Variants in SYNE1 observed in about 807,000 individuals in gnomAD.
SYNE1 encodes the protein nesprin-1.
A neutral mutation model predicts 1,111.0 loss-of-function variants in SYNE1; 616 were observed. The observed-to-expected ratio is 0.55, with a 90% CI of 0.52 to 0.59. SYNE1 has a LOEUF of 0.59. Ranked by LOEUF, SYNE1 falls within the 20% of genes least tolerant of loss-of-function variation. SYNE1 has a pLI of 0.00. For missense variants in SYNE1, 10,006 were observed against 10,417.0 expected, an observed-to-expected ratio of 0.96 and a Z score of 1.72; for synonymous variants, 3,855 against 3,825.8, an observed-to-expected ratio of 1.01 and a Z score of -0.28.
chr6:152,182,085 T>C (rs2068239497), intron 128 of SYNE1, among the ~76,000 whole-genome samples: 1 of 152,238 alleles, frequency 6.6e-6, no homozygotes, highest in Admixed American at 6.5e-5. Context: ...CGTTGCCTGC[T>C]TTTTAATTAG....
rs555495237 is a variant in SYNE1, at chr6:152,323,527, C to T, written c.15868G>A (p.Glu5290Lys). The T allele has an allele frequency of 4.3e-6, 7 of 1,614,178 alleles. No individual in the cohort carries two copies. Among genetic ancestry groups the T allele is most frequent in the Admixed American group, 3.3e-5 (2 of 60,028 alleles). ...GTGATTTCCTGCATGAGCGGAGGCT[C>T]TTCCCCAGGGGTTGGGGCGGCTCCA... ...QDGAAPTPGE[E>K]PPLMQEITAM... Residue 5290 changes from glutamate (E) to lysine (K), a missense_variant, in exon 82 of 146, where the codon GAG (glutamate) becomes AAG (lysine). Transcript: ENST00000367255.
chr6:152,149,065 TTTA>T (rs970353879), intron 136 of SYNE1, among the ~76,000 whole-genome samples: 23 of 152,168 alleles, frequency 1.5e-4, no homozygotes, highest in African/African-American at 4.8e-4. Flanking sequence ...TTTGCTTCCT[TTTA>T]TTGTATTTCT....
At chr6:152,340,771 G>T (rs1006459489) in intron 74 of SYNE1, among the ~76,000 whole-genome samples, 1 of 152,186 alleles carries the variant, frequency 6.6e-6, no homozygotes, top group Admixed American at 6.5e-5. Flanking sequence ...TCTGAAACAG[G>T]CTTTCAAAGA....
In SYNE1 at chr6:152,359,418, T is replaced by C; in HGVS notation, c.10340A>G (p.Glu3447Gly). Reference protein sequence around the residue: ...EEVLSYSSLLETIEVKGAGMT... With the variant: ...EEVLSYSSLLGTIEVKGAGMT... ...GCCAGCCCCTTTGACTTCGATGGTC[T>C]CCAGCAAGCTGCTGTAACTCAGCAC... The change falls in exon 65 of 146, where the codon GAG (glutamate) becomes GGG (glycine). Residue 3447 changes from glutamate to glycine, a missense_variant. By Grantham distance (98) the Glu-to-Gly change is moderately conservative. This residue lies in a region of SYNE1 where 4,955 missense variants were observed against 5,017.2 expected (regional missense o/e 0.99). Coordinates refer to ENST00000367255, the MANE Select transcript of SYNE1 (RefSeq NM_182961.4). 1 of 1,614,216 alleles carries C rather than the reference T, an allele frequency of 6.2e-7. No homozygotes were observed. The highest frequency in any genetic ancestry group is 2.2e-5 in the East Asian group (1 of 44,878).
intron 3 of SYNE1, among the ~76,000 whole-genome samples, chr6:152,601,846 C>G (rs1406101605): frequency 6.6e-6 from 1 of 152,124 alleles, no homozygotes; most frequent in Non-Finnish European, 1.5e-5. Context: ...ATTACTGATT[C>G]CATATACTCA....
In SYNE1 at chr6:152,413,544, A is replaced by G. The variant is rs775573772; in HGVS notation, c.6051-13T>C. 50 of 1,613,266 alleles carry G rather than the reference A, an allele frequency of 3.1e-5. No individual in the cohort carries two copies. Among genetic ancestry groups the G allele is most frequent in the Non-Finnish European group, 4.1e-5 (48 of 1,179,382 alleles). On this transcript the variant is annotated splice_polypyrimidine_tract_variant and intron_variant, in intron 41 of 145. Transcript: ENST00000367255. The stretch of plus-strand genomic sequence containing the variant: ...AAACACTCTTAACCTGTGAATTAAA[A>G]TGTTATTTTCCTATTAATTTACTAA...
At position 152,451,210 on chromosome 6, in the gene SYNE1, A is replaced by G. The variant is rs1315795651; in HGVS notation, c.3028-5T>C. On this transcript the variant is annotated splice_region_variant and splice_polypyrimidine_tract_variant and intron_variant, in intron 25 of 145. Transcript: ENST00000367255. ...AGGGGCTTCTCCTTGAAGATCCTAC[A>G]TTCCATAGGAAGATTCAGAAAATTA... is the stretch of plus-strand genomic sequence containing the variant. The G allele has an allele frequency of 6.2e-7, 1 of 1,613,636 alleles. No individual in the cohort carries two copies. Among genetic ancestry groups the G allele is most frequent in the Non-Finnish European group, 8.5e-7 (1 of 1,179,808 alleles).
chr6:152,284,919 A>T lies in SYNE1; in HGVS notation c.18013-747T>A, dbSNP rs144629333. Among the ~76,000 whole-genome samples the T allele has an allele frequency of 2.5e-4, 38 of 152,084 alleles. No homozygotes were observed. The East Asian group carries it at 7.2e-3, about 29-fold the overall frequency. On this transcript the variant is annotated intron_variant, in intron 95 of 145. Coordinates refer to ENST00000367255, the MANE Select transcript of SYNE1 (RefSeq NM_182961.4). ...TGGGAGAAACCTGTAACCTATTTCT[A>T]TGTCGTCACACTACTCATTTTTCTC... is the stretch of plus-strand genomic sequence containing the variant.
chr6:152,401,429 G>T (rs2154151340), intron 46 of SYNE1, 88 bp from the exon 47 acceptor site: 2 of 1,329,660 alleles, frequency 1.5e-6, no homozygotes, highest in Non-Finnish European at 2.1e-6. Context: ...CAGCTTAATT[G>T]TCAAAGCCAC....
chr6:152,363,304 C>G (rs1427525530), intron 63 of SYNE1, among the ~76,000 whole-genome samples: 1 of 147,178 alleles, frequency 6.8e-6, no homozygotes, highest in Non-Finnish European at 1.5e-5. Context: ...GCCATCCTGG[C>G]TAACACAGTG....
intron 145 of SYNE1, chr6:152,125,412 A>G: frequency 2.0e-6 from 3 of 1,505,776 alleles, no homozygotes; most frequent in Non-Finnish European, 2.7e-6. Flanking sequence ...GGACGTGGGG[A>G]CATTTTGTTT....
At chr6:152,596,798 C>T (rs2099583246) in intron 3 of SYNE1, among the ~76,000 whole-genome samples, 1 of 152,050 alleles carries the variant, frequency 6.6e-6, no homozygotes, top group African/African-American at 2.4e-5. Flanking sequence ...TATCATCTTC[C>T]CTTCCTGTTG....
chr6:152,433,723 T>C (rs2098449536), intron 34 of SYNE1, 72 bp downstream of exon 34: 1 of 1,568,762 alleles, frequency 6.4e-7, no homozygotes, highest in Non-Finnish European at 8.8e-7. Context: ...CCGAACAGCA[T>C]TTGATGAAAT....
At position 152,219,177 on chromosome 6, in the gene SYNE1, G is replaced by A. The variant is rs778997548; in HGVS notation, c.21870C>T (p.Leu7290=). The A allele has an allele frequency of 1.4e-5, 23 of 1,613,806 alleles. No individual in the cohort carries two copies. The highest frequency in any genetic ancestry group is 1.8e-5 in the Non-Finnish European group (21 of 1,179,926). The change falls in exon 120 of 146, where the codon CTC becomes CTT. Residue 7290 remains leucine (L), a synonymous_variant. Coordinates refer to ENST00000367255, the MANE Select transcript of SYNE1 (RefSeq NM_182961.4). ...ATWIQDCNDL[L]KGLGTVKDSL... ...AATCTTTAACTGTGCCCAGTCCTTT[G>A]AGGAGGTCCTAGAAGAGGTGAAAAT...
At chr6:152,521,560 A>C (rs993280455) in intron 5 of SYNE1, among the ~76,000 whole-genome samples, 2 of 152,170 alleles carry the variant, frequency 1.3e-5, no homozygotes, top group African/African-American at 4.8e-5. Context: ...ATATATGTAA[A>C]ATGTATATGT....
chr6:152,177,172 A>T (rs2066668733), intron 129 of SYNE1, among the ~76,000 whole-genome samples: 2 of 152,178 alleles, frequency 1.3e-5, no homozygotes, highest in Admixed American at 1.3e-4. Context: ...ACTATAGAGA[A>T]TCGACAGGCC....
chr6:152,323,588 G>A lies in SYNE1; in HGVS notation c.15807C>T (p.Gly5269=). 6.2e-7 allele frequency: 1 copy of A among 1,614,216 alleles called. No individual in the cohort carries two copies. The highest frequency in any genetic ancestry group is 8.5e-7 in the Non-Finnish European group (1 of 1,180,030). ...LELEQQQSAL[G]MLRQQTLSML... ...TGCTCAGGGTTTGCTGCCGCAGCATGCCCAAGGCCGACTGCTGCTGCTCCA... is the reference window on the plus strand; with the variant it reads ...TGCTCAGGGTTTGCTGCCGCAGCATACCCAAGGCCGACTGCTGCTGCTCCA... The change falls in exon 82 of 146, where the codon GGC becomes GGT. Residue 5269 remains glycine (G), a synonymous_variant. Coordinates refer to ENST00000367255, the MANE Select transcript of SYNE1 (RefSeq NM_182961.4).
At chr6:152,377,640 A>AATATATATATATATAT (rs1369932106) in intron 56 of SYNE1, among the ~76,000 whole-genome samples, 8 of 33,860 alleles carry the variant, frequency 2.4e-4, no homozygotes, top group East Asian at 1.1e-3. Context: ...AAAAAAAAAA[A>AATATATATATATATAT]ATATATATAT....
intron 126 of SYNE1, among the ~76,000 whole-genome samples, chr6:152,203,513 T>C (rs1405827285): frequency 6.6e-6 from 1 of 152,216 alleles, no homozygotes. Context: ...ACTAGAATCA[T>C]GACTAGAATC....
Sources: allele counts gnomAD v4.1 joint callset (sites outside exome capture counted in the v4.1 genomes callset), GRCh38; gene constraint gnomAD v4.1.1; regional missense constraint gnomAD v4.1.1; transcripts MANE v1.5; gene names NCBI Gene and HGNC (gene_info 2026-07-23, HGNC 2026-07-21).